SGCZ: variants seen among roughly 807,000 people sequenced by gnomAD.
SGCZ encodes the protein sarcoglycan zeta, also known as zeta-sarcoglycan.
Under a neutral mutation model 41.3 loss-of-function variants are expected in SGCZ, and 40 were observed. The ratio of observed to expected loss-of-function variants is 0.97; its 90% CI spans 0.75 to 1.26. The LOEUF is 1.26. SGCZ is among the 50% of genes most tolerant of loss of function. SGCZ has a pLI of 0.00. For missense variants in SGCZ, 552 were observed against 369.8 expected (o/e 1.49, Z -4.04); for synonymous variants, 206 against 137.5 (o/e 1.50, Z -3.49).
At chr8:14,767,720 G>T (rs549279545) in intron 1 of SGCZ, among the ~76,000 whole-genome samples, 7 of 152,238 alleles carry the variant, frequency 4.6e-5, no homozygotes, top group African/African-American at 1.7e-4. Flanking sequence ...GCCAACAGGT[G>T]GTCCTGCCAT....
chr8:14,309,408 G>C lies in SGCZ; in HGVS notation c.336+14695C>G, dbSNP rs140010806. ...AGACGAAGTGACCTCGATCGCTTTT[G>C]GCTAGAGACACTTCTGTGCCTTATT... On this transcript the variant is annotated intron_variant, in intron 3 of 7. Transcript: ENST00000382080. 1,518 of 1,606,456 alleles carry C rather than the reference G, an allele frequency of 9.4e-4. 20 individuals carry two copies. The East Asian group carries it at 0.022, about 23-fold the overall frequency.
chr8:14,452,312 G>A lies in SGCZ; in HGVS notation c.234+102420C>T, dbSNP rs148777282. Among the ~76,000 whole-genome samples, 810 of 152,030 alleles carry A rather than the reference G, an allele frequency of 5.3e-3. 6 individuals are homozygous for A. Among genetic ancestry groups the A allele is most frequent in the African/African-American group, 0.018 (750 of 41,460 alleles). ...ACTGTCGGGGGGTGAGGGGAGGGACGAATTAACAGGAAGGGCACAGTGGAT... is the reference window on the plus strand; with the variant it reads ...ACTGTCGGGGGGTGAGGGGAGGGACAAATTAACAGGAAGGGCACAGTGGAT... On this transcript the variant is annotated intron_variant, in intron 2 of 7. Coordinates refer to ENST00000382080, the MANE Select transcript of SGCZ (RefSeq NM_139167.4).
At chr8:14,729,564 AG>A (rs1462020739) in intron 1 of SGCZ, among the ~76,000 whole-genome samples, 1 of 152,228 alleles carries the variant, frequency 6.6e-6, no homozygotes, top group Non-Finnish European at 1.5e-5. Context: ...GTGAGAATAC[AG>A]CCACCTACTA....
At chr8:14,291,971 T>A (rs932631331) in intron 3 of SGCZ, among the ~76,000 whole-genome samples, 52 of 152,056 alleles carry the variant, frequency 3.4e-4, no homozygotes, top group African/African-American at 1.0e-3. Flanking sequence ...AAGGAGATAA[T>A]AATTGGCTTT....
chr8:15,074,131 G>A (rs565009738), intron 1 of SGCZ, among the ~76,000 whole-genome samples: 58 of 152,180 alleles, frequency 3.8e-4, no homozygotes, highest in African/African-American at 1.4e-3. Flanking sequence ...CCATCCAACC[G>A]TCACTGACTC....
intron 1 of SGCZ, among the ~76,000 whole-genome samples, chr8:14,840,543 A>G (rs969449218): frequency 1.3e-5 from 2 of 152,106 alleles, no homozygotes; most frequent in African/African-American, 4.8e-5. Context: ...AAAAATCTGT[A>G]CTCAGATAAG....
chr8:14,275,243 T>C (rs1469679274), intron 3 of SGCZ, among the ~76,000 whole-genome samples: 1 of 152,158 alleles, frequency 6.6e-6, no homozygotes, highest in Non-Finnish European at 1.5e-5. Context: ...TAAGCCTAAA[T>C]GAGACTGCAA....
chr8:14,228,859 G>C (rs984855299), intron 4 of SGCZ, among the ~76,000 whole-genome samples: 1 of 152,106 alleles, frequency 6.6e-6, no homozygotes, highest in Non-Finnish European at 1.5e-5. Flanking sequence ...CAAAGATATA[G>C]TATTCATTGA....
chr8:15,153,198 G>A (rs1211353345), intron 1 of SGCZ, among the ~76,000 whole-genome samples: 2 of 152,170 alleles, frequency 1.3e-5, no homozygotes, highest in Non-Finnish European at 2.9e-5. Flanking sequence ...GGTAGCTAAA[G>A]CCATCAGGGA....
chr8:14,583,391 G>C (rs992136361), intron 1 of SGCZ, among the ~76,000 whole-genome samples: 3 of 152,130 alleles, frequency 2.0e-5, no homozygotes, highest in African/African-American at 7.2e-5. Flanking sequence ...GTTCATTGTA[G>C]ATTCTGGATA....
intron 5 of SGCZ, among the ~76,000 whole-genome samples, chr8:14,117,407 TCTGTGTGTGTGTGTGTG>T (rs1802556469): frequency 1.0e-5 from 1 of 96,878 alleles, no homozygotes; most frequent in East Asian, 2.1e-4. Flanking sequence ...GATGCACACA[TCTGTGTGTGTGTGTGTG>T]TGTGTGTGTG....
intron 6 of SGCZ, among the ~76,000 whole-genome samples, chr8:14,106,285 A>G (rs927617699): frequency 1.3e-5 from 2 of 152,210 alleles, no homozygotes; most frequent in Non-Finnish European, 2.9e-5. Context: ...TATTTTCACA[A>G]AAGTTGTTGA....
intron 4 of SGCZ, among the ~76,000 whole-genome samples, chr8:14,167,317 C>A (rs537319198): frequency 1.3e-5 from 2 of 152,162 alleles, no homozygotes; most frequent in East Asian, 3.9e-4. Flanking sequence ...CAACAATGCC[C>A]CATTCAATCT....
At chr8:14,702,864 GATAGATA>G (rs1809202923) in intron 1 of SGCZ, among the ~76,000 whole-genome samples, 1 of 136,580 alleles carries the variant, frequency 7.3e-6, no homozygotes, top group African/African-American at 2.7e-5. Context: ...TAGATAGATA[GATAGATA>G]GATAGATAGA....
At chr8:14,167,655 T>A (rs896510113) in intron 4 of SGCZ, among the ~76,000 whole-genome samples, 2 of 152,124 alleles carry the variant, frequency 1.3e-5, no homozygotes, top group African/African-American at 4.8e-5. Flanking sequence ...GTATTAGATA[T>A]ATGTGCAAAT....
intron 1 of SGCZ, among the ~76,000 whole-genome samples, chr8:14,917,829 A>T (rs904558116): frequency 6.6e-6 from 1 of 152,106 alleles, no homozygotes; most frequent in Non-Finnish European, 1.5e-5. Flanking sequence ...TGCCTTTCTC[A>T]CATCATTAAT....
At chr8:14,408,731 G>C (rs967051457) in intron 2 of SGCZ, among the ~76,000 whole-genome samples, 2 of 151,950 alleles carry the variant, frequency 1.3e-5, no homozygotes, top group African/African-American at 4.8e-5. Flanking sequence ...TCAGGCTTCT[G>C]TACTCTTTTA....
chr8:14,637,523 C>T (rs1806873132), intron 1 of SGCZ, among the ~76,000 whole-genome samples: 1 of 151,752 alleles, frequency 6.6e-6, no homozygotes, highest in Non-Finnish European at 1.5e-5. Flanking sequence ...TCTTTACATC[C>T]ATACGTGCTC....
At chr8:14,769,381 A>G (rs1334577698) in intron 1 of SGCZ, among the ~76,000 whole-genome samples, 1 of 152,238 alleles carries the variant, frequency 6.6e-6, no homozygotes, top group Non-Finnish European at 1.5e-5. Flanking sequence ...AGAACAGAAT[A>G]ATGAGGACAG....
Sources: allele counts gnomAD v4.1 joint callset (sites outside exome capture counted in the v4.1 genomes callset), GRCh38; gene constraint gnomAD v4.1.1; transcripts MANE v1.5; gene names NCBI Gene and HGNC (gene_info 2026-07-23, HGNC 2026-07-21).